The following CEP164 variants were observed in gnomAD, a reference collection of about 807,000 sequenced individuals.
CEP164 encodes the protein centrosomal protein of 164 kDa.
CEP164 carries 162 observed loss-of-function variants against 182.7 expected under a neutral mutation model. The ratio of observed to expected loss-of-function variants is 0.89; its 90% CI spans 0.78 to 1.01. CEP164 has a LOEUF of 1.01. CEP164 is among the 50% of genes least tolerant of loss of function. CEP164 has a pLI of 0.00. For synonymous variants in CEP164, 661 were observed against 690.0 expected, an observed-to-expected ratio of 0.96 and a Z score of 0.66; for missense variants, 1,735 against 1,790.4, an observed-to-expected ratio of 0.97 and a Z score of 0.56.
At chr11:117,388,835 G>A (rs2044250355) in intron 15 of CEP164, among the ~76,000 whole-genome samples, 1 of 151,122 alleles carries the variant, frequency 6.6e-6, no homozygotes, top group African/African-American at 2.4e-5. Flanking sequence ...TGGCTTACTC[G>A]GCTCACTGCA....
At chr11:117,383,022 G>A in intron 14 of CEP164, 80 bp downstream of exon 14, 1 of 1,495,248 alleles carries the variant, frequency 6.7e-7, no homozygotes, top group Non-Finnish European at 9.0e-7. Context: ...CTTGGGTGGT[G>A]GGAGGTGGGG....
At chr11:117,392,937 T>G in intron 19 of CEP164, 67 bp from the exon 20 acceptor site, 1 of 1,601,514 alleles carries the variant, frequency 6.2e-7, no homozygotes, top group Middle Eastern at 2.0e-4. Context: ...GACCTTCAGG[T>G]GCAGCAGGCC....
At chr11:117,380,918 G>A (rs1356931181) in intron 12 of CEP164, among the ~76,000 whole-genome samples, 1 of 152,216 alleles carries the variant, frequency 6.6e-6, no homozygotes, top group Non-Finnish European at 1.5e-5. Context: ...GTATATGTTT[G>A]CATGCATGAG....
intron 27 of CEP164, among the ~76,000 whole-genome samples, chr11:117,407,093 T>C (rs2046774874): frequency 6.6e-6 from 1 of 151,924 alleles, no homozygotes; most frequent in South Asian, 2.1e-4. Context: ...CGAGACTCTA[T>C]TTCAAAAAAA....
intron 9 of CEP164, among the ~76,000 whole-genome samples, chr11:117,373,107 G>A (rs189061380): frequency 3.5e-3 from 533 of 152,230 alleles, no homozygotes; most frequent in African/African-American, 0.012. Flanking sequence ...GGTGGCTCAT[G>A]CCTGTAATCC....
chr11:117,325,976 C>A (rs1327506600), upstream of CEP164, among the ~76,000 whole-genome samples: 1 of 141,414 alleles, frequency 7.1e-6, no homozygotes, highest in African/African-American at 2.7e-5. Flanking sequence ...AATGTCGAGA[C>A]CTTGGCTTAC....
chr11:117,362,413 G>A lies in CEP164; in HGVS notation c.562G>A (p.Gly188Ser), dbSNP rs2041101645. The A allele has an allele frequency of 6.2e-7, 1 of 1,612,172 alleles. No homozygotes were observed. The highest frequency in any genetic ancestry group is 8.5e-7 in the Non-Finnish European group (1 of 1,179,036). The change falls in exon 7 of 33, where the codon GGT becomes AGT. Residue 188 changes from glycine to serine, a missense_variant. Physicochemically the swap from Gly to Ser is moderately conservative, Grantham distance 56. Transcript: ENST00000278935. ...CTTCTCTATTTTGAAGCCTTCACAG[G>A]GTCTCAAGACCTCTGCTTATACAAA... ...QLGELMLPSQ[G>S]LKTSAYTKGL...
intron 4 of CEP164, among the ~76,000 whole-genome samples, chr11:117,345,780 G>A (rs1001488380): frequency 4.0e-5 from 6 of 151,680 alleles, no homozygotes; most frequent in South Asian, 2.1e-4. Context: ...TCCACCTCCC[G>A]GAGGTGGAGC....
At chr11:117,349,340 C>T (rs551166777) in intron 4 of CEP164, among the ~76,000 whole-genome samples, 1 of 152,218 alleles carries the variant, frequency 6.6e-6, no homozygotes, top group East Asian at 1.9e-4. Context: ...GACATTTGGT[C>T]TTCTTTCTGT....
intron 4 of CEP164, among the ~76,000 whole-genome samples, chr11:117,349,054 G>A (rs508871): frequency 0.22 from 32,827 of 151,226 alleles, 3,716 homozygotes; most frequent in African/African-American, 0.27. Flanking sequence ...ACAGAGTCTC[G>A]CTCTGTCACC....
chr11:117,369,428 G>A (rs2135869412), intron 8 of CEP164, among the ~76,000 whole-genome samples: 1 of 152,348 alleles, frequency 6.6e-6, no homozygotes, highest in East Asian at 1.9e-4. Context: ...TGTCTCCAAA[G>A]CTGAGCTCTG....
chr11:117,321,935 G>A (rs1038300902), intron 1 of CEP164, among the ~76,000 whole-genome samples: 2 of 151,914 alleles, frequency 1.3e-5, no homozygotes, highest in Admixed American at 6.6e-5. Flanking sequence ...AGGCCTCAAA[G>A]GATCTTCCTG....
intron 30 of CEP164, 114 bp from the exon 31 acceptor site, chr11:117,410,714 C>A: frequency 1.3e-6 from 1 of 762,060 alleles, no homozygotes; most frequent in Non-Finnish European, 2.2e-6. Flanking sequence ...CTGTCTCTGG[C>A]CTCCAGCCAC....
At chr11:117,391,879 G>A (rs1267439540) in intron 17 of CEP164, among the ~76,000 whole-genome samples, 1 of 152,100 alleles carries the variant, frequency 6.6e-6, no homozygotes, top group African/African-American at 2.4e-5. Flanking sequence ...ATTCTACATG[G>A]CCCGACTTAA....
chr11:117,365,729 G>A (rs1041669037), intron 8 of CEP164, among the ~76,000 whole-genome samples: 3 of 151,948 alleles, frequency 2.0e-5, no homozygotes, highest in Non-Finnish European at 4.4e-5. Flanking sequence ...ACAGGCGCCC[G>A]CCACCATGCC....
At chr11:117,355,594 G>A (rs1161570239) in intron 5 of CEP164, 23 of 1,205,088 alleles carry the variant, frequency 1.9e-5, no homozygotes, top group Non-Finnish European at 2.2e-5. Flanking sequence ...CCGGCCACAT[G>A]TTGCCTGCCA....
In CEP164 at chr11:117,396,627, C is replaced by G. The variant is rs900461612; in HGVS notation, c.3278+16C>G. The stretch of plus-strand genomic sequence containing the variant: ...ACTTGGACAGGTGAGTTCCCATAGC[C>G]TGTCTTATTTGAGGTTAGGGTACCA... On this transcript the variant is annotated intron_variant, in intron 26 of 32. Coordinates refer to ENST00000278935, the MANE Select transcript of CEP164 (RefSeq NM_014956.5). 1.1e-5 allele frequency: 18 copies of G among 1,603,230 alleles called. No homozygotes were observed. Among genetic ancestry groups the G allele is most frequent in the African/African-American group, 2.7e-5 (2 of 74,692 alleles).
intron 27 of CEP164, among the ~76,000 whole-genome samples, chr11:117,401,948 A>G (rs2046188087): frequency 6.6e-6 from 1 of 151,972 alleles, no homozygotes; most frequent in Admixed American, 6.6e-5. Flanking sequence ...ATTTTTTTAA[A>G]GGGTTTTTTG....
intron 27 of CEP164, among the ~76,000 whole-genome samples, chr11:117,404,887 A>G (rs926567423): frequency 1.3e-5 from 2 of 152,204 alleles, no homozygotes; most frequent in Non-Finnish European, 2.9e-5. Flanking sequence ...GTCTGGCTAC[A>G]GTGGCTTTGT....
Sources: allele counts gnomAD v4.1 joint callset (sites outside exome capture counted in the v4.1 genomes callset), GRCh38; gene constraint gnomAD v4.1.1; transcripts MANE v1.5; gene names NCBI Gene and HGNC (gene_info 2026-07-23, HGNC 2026-07-21).